The following PTPRT variants were observed in gnomAD, a reference collection of about 807,000 sequenced individuals.
The protein encoded by PTPRT is protein tyrosine phosphatase receptor type T, also known as receptor-type tyrosine-protein phosphatase T.
Under a neutral mutation model 176.8 loss-of-function variants are expected in PTPRT, and 56 were observed. That is an observed-to-expected ratio of 0.32 (90% confidence interval 0.26 to 0.40). The LOEUF (loss-of-function observed/expected upper bound fraction) is 0.40. PTPRT is among the 10% of genes least tolerant of loss of function. The probability of loss-of-function intolerance (pLI) is 1.00; values close to 1 mark genes in which losing one functional copy is unlikely to be tolerated. For synonymous variants in PTPRT, 783 were observed against 739.0 expected, an observed-to-expected ratio of 1.06 and a Z score of -0.96; for missense variants, 1,540 against 1,908.2, an observed-to-expected ratio of 0.81 and a Z score of 3.60.
At chr20:42,878,750 C>T (rs949447961) in intron 2 of PTPRT, among the ~76,000 whole-genome samples, 2 of 152,156 alleles carry the variant, frequency 1.3e-5, no homozygotes, top group African/African-American at 2.4e-5. Flanking sequence ...CAACGCTGGC[C>T]GGGCGTGGTG....
intron 17 of PTPRT, among the ~76,000 whole-genome samples, chr20:42,143,571 A>G (rs1988726942): frequency 6.6e-6 from 1 of 151,550 alleles, no homozygotes; most frequent in African/African-American, 2.4e-5. Flanking sequence ...AAAAAAAAAA[A>G]AAAGTTGTGG....
At chr20:42,942,076 G>T (rs1338666900) in intron 1 of PTPRT, among the ~76,000 whole-genome samples, 3 of 152,158 alleles carry the variant, frequency 2.0e-5, no homozygotes, top group Non-Finnish European at 2.9e-5. Context: ...TACTCAGGCT[G>T]CAGAAACACT....
At position 43,022,479 on chromosome 20, in the gene PTPRT, T is replaced by C. The variant is rs118075622; in HGVS notation, c.89-136547A>G. 5.6e-4 allele frequency among the ~76,000 whole-genome samples: 85 copies of C among 152,332 alleles called. 1 individual carries two copies. In the East Asian group the frequency reaches 0.014, roughly 25 times the overall value. Reference sequence around the variant, plus strand: ...TTAAGTATTAATAGGCCTTACATGATTCTATTTCCTTTTTAACTGAGGTCC... The same window carrying C: ...TTAAGTATTAATAGGCCTTACATGACTCTATTTCCTTTTTAACTGAGGTCC... On this transcript the variant is annotated intron_variant, in intron 1 of 30. Coordinates refer to ENST00000373187, the MANE Select transcript of PTPRT (RefSeq NM_007050.6).
chr20:42,740,596 G>A (rs1158668046), intron 6 of PTPRT, among the ~76,000 whole-genome samples: 1 of 152,206 alleles, frequency 6.6e-6, no homozygotes, highest in African/African-American at 2.4e-5. Context: ...CATCCTGGCA[G>A]TGAAATGGAG....
At chr20:42,430,753 A>C (rs6030229) in intron 9 of PTPRT, among the ~76,000 whole-genome samples, 123,110 of 152,094 alleles carry the variant, frequency 0.81, 49,994 homozygotes, top group Admixed American at 0.85. Context: ...GTCTCCAGCA[A>C]GTCCTTGGAG....
chr20:42,704,332 C>T (rs61190512), intron 6 of PTPRT, among the ~76,000 whole-genome samples: 2 of 151,800 alleles, frequency 1.3e-5, no homozygotes, highest in African/African-American at 4.8e-5. Flanking sequence ...CCATGGTTCT[C>T]TGTGGTGTAC....
intron 3 of PTPRT, among the ~76,000 whole-genome samples, chr20:42,790,744 A>T (rs970496881): frequency 1.7e-4 from 26 of 152,170 alleles, no homozygotes; most frequent in African/African-American, 5.5e-4. Context: ...TTCATCTTAG[A>T]TGTCATCTCC....
intron 1 of PTPRT, among the ~76,000 whole-genome samples, chr20:43,141,990 C>T (rs140072291): frequency 9.2e-5 from 14 of 152,294 alleles, no homozygotes; most frequent in African/African-American, 3.1e-4. Flanking sequence ...AAGCATGCGA[C>T]GTGGAGTACA....
At chr20:42,664,681 C>G (rs367982101) in intron 7 of PTPRT, among the ~76,000 whole-genome samples, 1 of 152,096 alleles carries the variant, frequency 6.6e-6, no homozygotes, top group East Asian at 1.9e-4. Flanking sequence ...GTTGCCCAGG[C>G]TGGTCTTGAA....
chr20:42,746,366 G>A (rs1050185979), intron 6 of PTPRT, among the ~76,000 whole-genome samples: 1 of 152,152 alleles, frequency 6.6e-6, no homozygotes, highest in Non-Finnish European at 1.5e-5. Context: ...GGAGTCAGAG[G>A]CTAAGGGTGG....
rs537228899 is a variant in PTPRT, at chr20:43,110,226, G to T, written c.88+79420C>A. ...CAAGAGAGAAAGTGAGGAAATGCCAGGTTCTTTTTAATACCCAGAGGGAAC... is the reference window on the plus strand; with the variant it reads ...CAAGAGAGAAAGTGAGGAAATGCCATGTTCTTTTTAATACCCAGAGGGAAC... On this transcript the variant is annotated intron_variant, in intron 1 of 30. Transcript: ENST00000373187. 3.3e-5 allele frequency among the ~76,000 whole-genome samples: 5 copies of T among 152,290 alleles called. No homozygotes were observed. In the South Asian group the frequency reaches 8.3e-4, roughly 25 times the overall value.
At chr20:42,990,922 C>T (rs997331087) in intron 1 of PTPRT, among the ~76,000 whole-genome samples, 2 of 151,906 alleles carry the variant, frequency 1.3e-5, no homozygotes, top group Non-Finnish European at 2.9e-5. Flanking sequence ...CAGTATTGAT[C>T]AGAAAGAGTT....
chr20:42,781,670 T>C (rs1195670490), intron 3 of PTPRT, among the ~76,000 whole-genome samples: 2 of 152,222 alleles, frequency 1.3e-5, no homozygotes, highest in Non-Finnish European at 2.9e-5. Flanking sequence ...CTTAAAATTC[T>C]CAGCAGTTTT....
At chr20:42,271,075 T>C (rs925137486) in intron 13 of PTPRT, among the ~76,000 whole-genome samples, 1 of 152,150 alleles carries the variant, frequency 6.6e-6, no homozygotes, top group Non-Finnish European at 1.5e-5. Context: ...CATCCTTCAG[T>C]TGAAATACAA....
intron 6 of PTPRT, among the ~76,000 whole-genome samples, chr20:42,736,748 C>T (rs569416342): frequency 6.6e-6 from 1 of 152,086 alleles, no homozygotes; most frequent in Non-Finnish European, 1.5e-5. Context: ...GCAATAGGGC[C>T]TTGGCAGGGG....
chr20:42,095,483 C>G (rs1454972904), intron 27 of PTPRT, among the ~76,000 whole-genome samples: 1 of 152,208 alleles, frequency 6.6e-6, no homozygotes, highest in East Asian at 1.9e-4. Flanking sequence ...GTGATGCCCC[C>G]CTGAGAGTCA....
chr20:42,154,068 T>A (rs8125073), intron 17 of PTPRT, among the ~76,000 whole-genome samples: 4,480 of 152,252 alleles, frequency 0.029, 225 homozygotes, highest in African/African-American at 0.1. Context: ...CAGGTATTCC[T>A]GTTTTGGTCA....
chr20:42,674,197 C>T (rs961239081), intron 7 of PTPRT, among the ~76,000 whole-genome samples: 4 of 152,116 alleles, frequency 2.6e-5, no homozygotes, highest in African/African-American at 7.2e-5. Flanking sequence ...CCATCAGTGG[C>T]GATGCAGGAA....
At chr20:42,476,289 A>G (rs891033773) in intron 7 of PTPRT, among the ~76,000 whole-genome samples, 2 of 152,140 alleles carry the variant, frequency 1.3e-5, no homozygotes, top group South Asian at 2.1e-4. Flanking sequence ...AAATAAACCC[A>G]CTGGGGGCTT....
Sources: allele counts gnomAD v4.1 joint callset (sites outside exome capture counted in the v4.1 genomes callset), GRCh38; gene constraint gnomAD v4.1.1; transcripts MANE v1.5; gene names NCBI Gene and HGNC (gene_info 2026-07-23, HGNC 2026-07-21).